Variants in NFIB observed in about 807,000 individuals in gnomAD.
The protein encoded by NFIB is nuclear factor 1 B-type.
A neutral mutation model predicts 61.5 loss-of-function variants in NFIB; 11 were observed. The ratio of observed to expected loss-of-function variants is 0.18; its 90% CI spans 0.11 to 0.30. The LOEUF (loss-of-function observed/expected upper bound fraction) is 0.30. NFIB is among the 10% of genes least tolerant of loss of function. The pLI, the probability that NFIB is intolerant of heterozygous loss-of-function variation, is 1.00. For missense variants in NFIB, 471 were observed against 608.9 expected, an observed-to-expected ratio of 0.77 and a Z score of 2.38; for synonymous variants, 260 against 216.5, an observed-to-expected ratio of 1.20 and a Z score of -1.76.
At chr9:14,200,532 A>G (rs1432453658) in intron 2 of NFIB, among the ~76,000 whole-genome samples, 1 of 152,156 alleles carries the variant, frequency 6.6e-6, no homozygotes. Flanking sequence ...TATTTTTTTT[A>G]AAACACGACT....
intron 2 of NFIB, among the ~76,000 whole-genome samples, chr9:14,218,761 T>G (rs1321766284): frequency 6.6e-6 from 1 of 152,244 alleles, no homozygotes; most frequent in Non-Finnish European, 1.5e-5. Flanking sequence ...TTAAATGCAT[T>G]GGCCTTGATC....
chr9:14,409,048 T>G, the NFIB span, among the ~76,000 whole-genome samples: 3 of 152,184 alleles, frequency 2.0e-5, no homozygotes, highest in East Asian at 1.9e-4. Flanking sequence ...AGTGATATAC[T>G]GGTACATGTT....
At chr9:14,259,111 G>C (rs1037651787) in intron 2 of NFIB, among the ~76,000 whole-genome samples, 2 of 152,190 alleles carry the variant, frequency 1.3e-5, no homozygotes, top group Non-Finnish European at 2.9e-5. Flanking sequence ...TTGGTATTGA[G>C]TGAACCCTGC....
At chr9:14,372,987 TG>T (rs1012625585) in intron 1 of NFIB, among the ~76,000 whole-genome samples, 8 of 128,868 alleles carry the variant, frequency 6.2e-5, no homozygotes, top group African/African-American at 2.1e-4. Context: ...GGAACGGTGG[TG>T]GGGGGTGGGG....
chr9:14,231,175 G>C (rs1476678308), intron 2 of NFIB, among the ~76,000 whole-genome samples: 1 of 121,594 alleles, frequency 8.2e-6, no homozygotes, highest in East Asian at 2.3e-4. Context: ...TATTCGTTGA[G>C]ACATTTGTTT....
intron 1 of NFIB, among the ~76,000 whole-genome samples, chr9:14,333,965 AC>A (rs1393169483): frequency 6.6e-6 from 1 of 152,238 alleles, no homozygotes; most frequent in Non-Finnish European, 1.5e-5. Flanking sequence ...GAAAAAGCAT[AC>A]AATATTTACT....
the NFIB span, among the ~76,000 whole-genome samples, chr9:14,411,626 G>C: frequency 4.6e-5 from 7 of 152,094 alleles, no homozygotes; most frequent in Non-Finnish European, 1.0e-4. Context: ...ACAATACCAG[G>C]GCTTGAACTC....
chr9:14,468,501 T>A, the NFIB span, among the ~76,000 whole-genome samples: 2 of 151,974 alleles, frequency 1.3e-5, no homozygotes, highest in Non-Finnish European at 2.9e-5. Context: ...GGGGTGAGAG[T>A]GGGTATTCCA....
At chr9:14,293,057 C>T (rs562635194) in intron 2 of NFIB, among the ~76,000 whole-genome samples, 1 of 152,268 alleles carries the variant, frequency 6.6e-6, no homozygotes, top group South Asian at 2.1e-4. Context: ...ACTTTCCATG[C>T]AATATGTAGA....
chr9:14,462,547 G>C, the NFIB span, among the ~76,000 whole-genome samples: 4 of 152,168 alleles, frequency 2.6e-5, no homozygotes, highest in Non-Finnish European at 1.5e-5. Context: ...CTCCCAAAGT[G>C]CTGGGATTAC....
intron 2 of NFIB, among the ~76,000 whole-genome samples, chr9:14,187,853 C>A (rs1396313520): frequency 6.6e-6 from 1 of 152,076 alleles, no homozygotes; most frequent in Non-Finnish European, 1.5e-5. Flanking sequence ...ACTAATGAAT[C>A]CCCTGCAAAT....
intron 10 of NFIB, chr9:14,094,521 C>T (rs1020710784): frequency 6.6e-6 from 1 of 152,180 alleles, no homozygotes; most frequent in African/African-American, 2.4e-5. Flanking sequence ...GATTTATTTT[C>T]ACCGTTTTTA....
At chr9:14,294,027 A>G (rs1381100840) in intron 2 of NFIB, among the ~76,000 whole-genome samples, 1 of 152,152 alleles carries the variant, frequency 6.6e-6, no homozygotes, top group Non-Finnish European at 1.5e-5. Flanking sequence ...AACCCAAAAT[A>G]TGTTTCTCCA....
intron 2 of NFIB, among the ~76,000 whole-genome samples, chr9:14,269,376 G>A (rs896579294): frequency 6.6e-6 from 1 of 152,082 alleles, no homozygotes; most frequent in Non-Finnish European, 1.5e-5. Context: ...CTAAGTACAA[G>A]GATCAAACTA....
the NFIB span, among the ~76,000 whole-genome samples, chr9:14,434,638 T>C: frequency 6.6e-6 from 1 of 152,156 alleles, no homozygotes; most frequent in African/African-American, 2.4e-5. Flanking sequence ...GCCAGAATCA[T>C]CTCAGCAAGA....
chr9:14,457,549 C>A, the NFIB span, among the ~76,000 whole-genome samples: 2 of 146,804 alleles, frequency 1.4e-5, no homozygotes, highest in East Asian at 4.1e-4. Flanking sequence ...ACAAAAAACC[C>A]TTCAAAAAAT....
the NFIB span, among the ~76,000 whole-genome samples, chr9:14,514,499 T>C: frequency 6.6e-6 from 1 of 152,150 alleles, no homozygotes; most frequent in African/African-American, 2.4e-5. Flanking sequence ...AGAAGTTGCT[T>C]TCTCACAGTA....
rs2060421511 is a variant in NFIB, at chr9:14,314,049, AG to A, written c.-539del. Reference sequence around the variant, plus strand: ...GGGAAAGTTCAAGGTTACAGCCCCAAGCACTGCGGCAGGATCCCGGAGTGGT... The same window carrying A: ...GGGAAAGTTCAAGGTTACAGCCCCAACACTGCGGCAGGATCCCGGAGTGGT... On this transcript the variant is annotated 5_prime_UTR_variant, in exon 1 of 11. An upstream open reading frame in the 5' UTR loses its in-frame stop. Coordinates refer to ENST00000380953, the MANE Select transcript of NFIB (RefSeq NM_001190737.2). 1 of 1,065,086 alleles carries A rather than the reference AG, an allele frequency of 9.4e-7. No individual in the cohort carries two copies. The highest frequency in any genetic ancestry group is 1.1e-6 in the Non-Finnish European group (1 of 880,066). 66.0% of individuals were successfully genotyped at this position (1,065,086 alleles called of 1,614,324 possible).
intron 2 of NFIB, among the ~76,000 whole-genome samples, chr9:14,230,293 T>A (rs973494115): frequency 6.6e-6 from 1 of 152,218 alleles, no homozygotes; most frequent in Admixed American, 6.5e-5. Context: ...CATGTCCTCA[T>A]AGAGCTTTGA....
Sources: gnomAD v4.1 joint callset for allele counts (sites outside exome capture counted in the v4.1 genomes callset) on GRCh38, gnomAD v4.1.1 for gene constraint, MANE v1.5 for transcripts, NCBI Gene and HGNC (gene_info 2026-07-23, HGNC 2026-07-21) for gene names.